Variants in ZNF608 observed in about 807,000 individuals in gnomAD.
ZNF608 encodes the protein renal carcinoma antigen NY-REN-36.
In ZNF608, 12 loss-of-function variants were observed where a neutral mutation model predicts 109.0. That is an observed-to-expected ratio of 0.11 (90% confidence interval 0.07 to 0.18). The LOEUF (loss-of-function observed/expected upper bound fraction) is 0.18, where lower values mean the gene tolerates loss of function less well. Ranked by LOEUF, ZNF608 falls within the 10% of genes least tolerant of loss-of-function variation. The pLI, the probability that ZNF608 is intolerant of heterozygous loss-of-function variation, is 1.00. For missense variants in ZNF608, 1,707 were observed against 1,879.3 expected (o/e 0.91, Z 1.70); for synonymous variants, 732 against 717.4 (o/e 1.02, Z -0.33).
At chr5:124,742,474 A>C (rs1399128324) in intron 2 of ZNF608, among the ~76,000 whole-genome samples, 2 of 152,346 alleles carry the variant, frequency 1.3e-5, no homozygotes, top group Non-Finnish European at 1.5e-5. Context: ...TTAGAACTGC[A>C]ATTTGAAGAC....
In ZNF608 at chr5:124,746,234, C is replaced by T; in HGVS notation, c.-223G>A. The T allele has an allele frequency of 1.0e-6, 1 of 985,402 alleles. No homozygotes were observed. The highest frequency in any genetic ancestry group is 1.2e-6 in the Non-Finnish European group (1 of 829,934). 61.0% of individuals were successfully genotyped at this position (985,402 alleles called of 1,614,324 possible). A position where few individuals can be genotyped will look rare whatever the true frequency, so the allele number is the denominator to read the frequency against. The stretch of plus-strand genomic sequence containing the variant: ...TCATTTTTTAATTAGGCCAGCAAAT[C>T]AAAATGCCTTTCCCACTCCACTCGG... On this transcript the variant is annotated 5_prime_UTR_variant, in exon 1 of 10. Transcript: ENST00000513986.
chr5:124,661,963 A>C (rs1010904305), intron 3 of ZNF608, among the ~76,000 whole-genome samples: 4 of 152,132 alleles, frequency 2.6e-5, no homozygotes, highest in African/African-American at 9.7e-5. Context: ...GGGCCTGTAA[A>C]CCAACCCTCC....
intron 2 of ZNF608, among the ~76,000 whole-genome samples, chr5:124,703,085 A>G (rs60729754): frequency 0.055 from 8,406 of 152,122 alleles, 311 homozygotes; most frequent in African/African-American, 0.098. Flanking sequence ...ATTATAAACC[A>G]GTGGTTTTTT....
intron 2 of ZNF608, among the ~76,000 whole-genome samples, chr5:124,728,339 T>A (rs1748715252): frequency 6.6e-6 from 1 of 152,142 alleles, no homozygotes; most frequent in Non-Finnish European, 1.5e-5. Context: ...TAGGAACATA[T>A]CAGAAAGATA....
intron 3 of ZNF608, among the ~76,000 whole-genome samples, chr5:124,664,203 A>C (rs1220326434): frequency 3.9e-5 from 6 of 152,216 alleles, no homozygotes; most frequent in Non-Finnish European, 5.9e-5. Flanking sequence ...AGGAAAAAAA[A>C]CAAAATATAC....
rs1001286202 is a variant in ZNF608 at position 124,677,283 on chromosome 5, C to T, written c.1162+23731G>A. On this transcript the variant is annotated intron_variant, in intron 3 of 9. Transcript: ENST00000513986. Reference sequence around the variant, plus strand: ...CTGAAGGAAAAGAAAAATAATCCCCCCCTTTGAAAGGGAAAACATCTTAAA... The same window carrying T: ...CTGAAGGAAAAGAAAAATAATCCCCTCCTTTGAAAGGGAAAACATCTTAAA... Among the ~76,000 whole-genome samples, 4 of 152,250 alleles carry T rather than the reference C, an allele frequency of 2.6e-5. No individual in the cohort carries two copies. In the East Asian group the frequency reaches 5.8e-4, roughly 22 times the overall value.
At chr5:124,734,310 G>A (rs1159540984) in intron 2 of ZNF608, among the ~76,000 whole-genome samples, 1 of 151,942 alleles carries the variant, frequency 6.6e-6, no homozygotes, top group African/African-American at 2.4e-5. Context: ...TTTAAGGCAA[G>A]TAATAAAATG....
chr5:124,719,256 G>A (rs1219229079), intron 2 of ZNF608, among the ~76,000 whole-genome samples: 4 of 152,118 alleles, frequency 2.6e-5, no homozygotes, highest in Admixed American at 6.5e-5. Context: ...CACAGCGTTC[G>A]TTTCAGTGAT....
intron 3 of ZNF608, 127 bp from the exon 4 acceptor site, chr5:124,649,824 G>T: frequency 1.7e-6 from 1 of 575,986 alleles, no homozygotes; most frequent in Non-Finnish European, 3.0e-6. Context: ...TAAAAGCTGT[G>T]GTTTGCATTC....
chr5:124,642,692 CTTTTTTT>C (rs755561532), intron 7 of ZNF608, among the ~76,000 whole-genome samples: 2 of 95,284 alleles, frequency 2.1e-5, no homozygotes, highest in Non-Finnish European at 1.9e-5. Context: ...TTTCTATTGT[CTTTTTTT>C]TTTTTTTTTT....
chr5:124,676,261 C>A (rs1333692272), intron 3 of ZNF608, among the ~76,000 whole-genome samples: 2 of 151,794 alleles, frequency 1.3e-5, no homozygotes, highest in Non-Finnish European at 2.9e-5. Context: ...GCTCTGTGAA[C>A]CCAAGAAGGA....
chr5:124,697,125 TA>T (rs1456408684), intron 3 of ZNF608, among the ~76,000 whole-genome samples: 1 of 148,412 alleles, frequency 6.7e-6, no homozygotes, highest in African/African-American at 2.5e-5. Context: ...AGTAAGAAAG[TA>T]AAAGCGTCGT....
At position 124,698,178 on chromosome 5, in the gene ZNF608, A is replaced by G. The variant is rs574288388; in HGVS notation, c.1162+2836T>C. Among the ~76,000 whole-genome samples, 7 of 152,280 alleles carry G rather than the reference A, an allele frequency of 4.6e-5. No homozygotes were observed. In the East Asian group the frequency reaches 1.3e-3, roughly 29 times the overall value. On this transcript the variant is annotated intron_variant, in intron 3 of 9. Coordinates refer to ENST00000513986, the MANE Select transcript of ZNF608 (RefSeq NM_020747.3). ...AGCTCTGCCAAATAACTGGCTCCCAATGTGTTTGTTCTGTGTCTCTCTTTG... is the reference window on the plus strand; with the variant it reads ...AGCTCTGCCAAATAACTGGCTCCCAGTGTGTTTGTTCTGTGTCTCTCTTTG...
intron 2 of ZNF608, among the ~76,000 whole-genome samples, chr5:124,725,262 C>A (rs1561585948): frequency 6.6e-6 from 1 of 151,884 alleles, no homozygotes; most frequent in Non-Finnish European, 1.5e-5. Flanking sequence ...TCCCTTATAG[C>A]ACGTAACGCC....
chr5:124,746,339 T>A lies in ZNF608; in HGVS notation c.-328A>T. On this transcript the variant is annotated 5_prime_UTR_variant, in exon 1 of 10. Transcript: ENST00000513986. ...ACCAAATAACACATCTCAGCCAGAATAATCACTCGATAACATTATTCCACC... is the reference window on the plus strand; with the variant it reads ...ACCAAATAACACATCTCAGCCAGAAAAATCACTCGATAACATTATTCCACC... The A allele has an allele frequency of 1.0e-6, 1 of 985,328 alleles. No individual in the cohort carries two copies. Among genetic ancestry groups the A allele is most frequent in the Non-Finnish European group, 1.2e-6 (1 of 829,916 alleles). The allele number at this position is 985,328 out of a possible 1,614,324, so 61.0% of individuals were successfully genotyped here.
intron 2 of ZNF608, among the ~76,000 whole-genome samples, chr5:124,716,923 A>G (rs983939721): frequency 6.6e-6 from 1 of 151,316 alleles, no homozygotes; most frequent in Non-Finnish European, 1.5e-5. Context: ...TCTCTACAAA[A>G]ATACAAAATT....
chr5:124,684,904 C>G (rs1213656490), intron 3 of ZNF608, among the ~76,000 whole-genome samples: 2 of 152,162 alleles, frequency 1.3e-5, no homozygotes, highest in Admixed American at 6.6e-5. Context: ...GATTCTGCAA[C>G]AATACATTTT....
intron 3 of ZNF608, among the ~76,000 whole-genome samples, chr5:124,695,499 AC>A (rs1346610005): frequency 6.6e-6 from 1 of 152,194 alleles, no homozygotes; most frequent in Admixed American, 6.5e-5. Context: ...TGAGTGAGAT[AC>A]CTCACTATAA....
At position 124,639,230 on chromosome 5, in the gene ZNF608, T is replaced by C. The variant is rs991194368; in HGVS notation, c.4451-16A>G. The C allele has an allele frequency of 6.2e-7, 1 of 1,612,476 alleles. No individual in the cohort carries two copies. Among genetic ancestry groups the C allele is most frequent in the Admixed American group, 1.7e-5 (1 of 59,980 alleles). ...GAGGTCAAGCCTAATGGGGAAAAAATGTAGAGTGTCTGTGATCTTTAGAAG... is the reference window on the plus strand; with the variant it reads ...GAGGTCAAGCCTAATGGGGAAAAAACGTAGAGTGTCTGTGATCTTTAGAAG... On this transcript the variant is annotated splice_polypyrimidine_tract_variant and intron_variant, in intron 8 of 9. Coordinates refer to ENST00000513986, the MANE Select transcript of ZNF608 (RefSeq NM_020747.3).
Sources: gnomAD v4.1 joint callset for allele counts (sites outside exome capture counted in the v4.1 genomes callset) on GRCh38, gnomAD v4.1.1 for gene constraint, MANE v1.5 for transcripts, NCBI Gene and HGNC (gene_info 2026-07-23, HGNC 2026-07-21) for gene names.